Variants in ZMAT4 observed in about 807,000 individuals in gnomAD.
ZMAT4 encodes zinc finger matrin-type protein 4.
In ZMAT4, 17 loss-of-function variants were observed where a neutral mutation model predicts 28.7. The observed-to-expected ratio is 0.59, with a 90% CI of 0.41 to 0.89. ZMAT4 has a LOEUF of 0.89. Among genes scored for constraint, ZMAT4 ranks in the 40% least tolerant of loss-of-function variants. The pLI is 0.00. For missense variants in ZMAT4, 240 were observed against 283.8 expected (o/e 0.85, Z 1.11); for synonymous variants, 117 against 109.2 (o/e 1.07, Z -0.44).
chr8:40,645,084 A>C (rs980119371), intron 5 of ZMAT4, among the ~76,000 whole-genome samples: 1 of 152,182 alleles, frequency 6.6e-6, no homozygotes, highest in Admixed American at 6.6e-5. Context: ...ACACTCAGTA[A>C]AAATTAAGGA....
rs911759529 is a variant in ZMAT4, at chr8:40,707,544, T to C, written c.193-10143A>G. 6.6e-5 allele frequency among the ~76,000 whole-genome samples: 10 copies of C among 152,254 alleles called. 1 individual carries two copies. The highest frequency in any genetic ancestry group is 6.5e-4 in the Admixed American group (10 of 15,284). On this transcript the variant is annotated intron_variant, in intron 3 of 6. Transcript: ENST00000297737. ...ATGCATTGTATGGAAACACACTTTG[T>C]AATCCAGAAAATACTATTCAAACAT...
intron 5 of ZMAT4, among the ~76,000 whole-genome samples, chr8:40,631,365 C>T (rs1468863609): frequency 6.6e-6 from 1 of 152,074 alleles, no homozygotes; most frequent in Non-Finnish European, 1.5e-5. Flanking sequence ...ACCATGTTGG[C>T]CAGGCTGGTC....
chr8:40,867,310 C>T (rs1817708185), intron 1 of ZMAT4, among the ~76,000 whole-genome samples: 2 of 144,184 alleles, frequency 1.4e-5, no homozygotes, highest in South Asian at 4.2e-4. Context: ...TGTGTTGGGC[C>T]ACATTCTAAG....
intron 5 of ZMAT4, among the ~76,000 whole-genome samples, chr8:40,603,651 T>A (rs1457261168): frequency 6.6e-6 from 1 of 152,114 alleles, no homozygotes; most frequent in Non-Finnish European, 1.5e-5. Context: ...TGTTTTGAGA[T>A]GGAGTCTCAC....
intron 1 of ZMAT4, among the ~76,000 whole-genome samples, chr8:40,826,073 A>T (rs921800591): frequency 6.6e-6 from 1 of 152,262 alleles, no homozygotes; most frequent in Non-Finnish European, 1.5e-5. Context: ...AGCATGGGCA[A>T]CATAGAGAGA....
chr8:40,711,370 C>T (rs558883780), intron 3 of ZMAT4, among the ~76,000 whole-genome samples: 1 of 152,314 alleles, frequency 6.6e-6, no homozygotes, highest in South Asian at 2.1e-4. Context: ...GCATCAACAG[C>T]TGCTAACATC....
chr8:40,876,982 C>T (rs1316337353), intron 1 of ZMAT4, among the ~76,000 whole-genome samples: 1 of 152,198 alleles, frequency 6.6e-6, no homozygotes, highest in Non-Finnish European at 1.5e-5. Flanking sequence ...ATATCCTAGC[C>T]TCCACTCCTT....
chr8:40,759,510 A>ACTGC (rs1812840894), intron 3 of ZMAT4, among the ~76,000 whole-genome samples: 1 of 152,108 alleles, frequency 6.6e-6, no homozygotes. Flanking sequence ...TGCCACCTGA[A>ACTGC]CTGCCATAAG....
At chr8:40,681,454 C>T (rs550836667) in intron 4 of ZMAT4, among the ~76,000 whole-genome samples, 6 of 152,170 alleles carry the variant, frequency 3.9e-5, no homozygotes, top group South Asian at 2.1e-4. Context: ...TTTGCAAATG[C>T]TACCAACAGT....
Position 40,606,076 on chromosome 8 carries a change from C to T in ZMAT4, c.578-24815G>A, listed in dbSNP as rs114638685. Among the ~76,000 whole-genome samples the T allele has an allele frequency of 9.6e-3, 1,454 of 152,110 alleles. 23 individuals are homozygous for T. Among genetic ancestry groups the T allele is most frequent in the African/African-American group, 0.033 (1,373 of 41,516 alleles). ...GTTTATGTGAGTCCTTATGTGTGTT[C>T]GATTAGTCTCTTGAAGACAGTGGAT... On this transcript the variant is annotated intron_variant, in intron 5 of 6. Coordinates refer to ENST00000297737, the MANE Select transcript of ZMAT4 (RefSeq NM_024645.3).
chr8:40,841,916 T>TG (rs1220361092), intron 1 of ZMAT4, among the ~76,000 whole-genome samples: 2 of 152,168 alleles, frequency 1.3e-5, no homozygotes, highest in African/African-American at 4.8e-5. Context: ...TGCACTCTCC[T>TG]GGGGCAGAAC....
chr8:40,757,303 A>T (rs1186149925), intron 3 of ZMAT4, among the ~76,000 whole-genome samples: 1 of 152,224 alleles, frequency 6.6e-6, no homozygotes, highest in Non-Finnish European at 1.5e-5. Flanking sequence ...GTAAAGTTCA[A>T]TGAGTAGGCG....
chr8:40,532,174 G>T lies in ZMAT4; in HGVS notation c.*49C>A. ...TGGTGGTTGATAAGCAATTCTCCAC[G>T]GCAGAGAAATGCTAATGTTTTGTTC... On this transcript the variant is annotated 3_prime_UTR_variant, in exon 7 of 7. Transcript: ENST00000297737. 2 of 1,534,284 alleles carry T rather than the reference G, an allele frequency of 1.3e-6. No individual in the cohort carries two copies. Among genetic ancestry groups the T allele is most frequent in the Non-Finnish European group, 1.8e-6 (2 of 1,135,878 alleles).
rs188143069 is a variant in ZMAT4 at position 40,595,992 on chromosome 8, G to A, written c.578-14731C>T. Among the ~76,000 whole-genome samples, 1,323 of 152,188 alleles carry A rather than the reference G, an allele frequency of 8.7e-3. 17 individuals are homozygous for A. Among genetic ancestry groups the A allele is most frequent in the African/African-American group, 0.03 (1,250 of 41,508 alleles). Reference sequence around the variant, plus strand: ...CCAGCTACTAAGGAGGTTGAGGCAGGAGAATCACTTGAACCCAGGAGAGGG... The same window carrying A: ...CCAGCTACTAAGGAGGTTGAGGCAGAAGAATCACTTGAACCCAGGAGAGGG... On this transcript the variant is annotated intron_variant, in intron 5 of 6. Transcript: ENST00000297737.
intron 5 of ZMAT4, among the ~76,000 whole-genome samples, chr8:40,605,738 C>T (rs1456398161): frequency 6.6e-6 from 1 of 152,066 alleles, no homozygotes; most frequent in Admixed American, 6.6e-5. Context: ...GTCTTGATAA[C>T]CTGTCAAGTG....
chr8:40,653,145 T>C (rs552259301), intron 5 of ZMAT4, among the ~76,000 whole-genome samples: 17 of 152,010 alleles, frequency 1.1e-4, no homozygotes, highest in Non-Finnish European at 1.9e-4. Flanking sequence ...CCACACACTC[T>C]TAAATAACCA....
In ZMAT4 at chr8:40,812,629, A is replaced by C. The variant is rs186051079; in HGVS notation, c.102+12946T>G. 2.2e-4 allele frequency among the ~76,000 whole-genome samples: 34 copies of C among 152,276 alleles called. No individual in the cohort carries two copies. The East Asian group carries it at 6.0e-3, about 27-fold the overall frequency. On this transcript the variant is annotated intron_variant, in intron 2 of 6. Coordinates refer to ENST00000297737, the MANE Select transcript of ZMAT4 (RefSeq NM_024645.3). Reference sequence around the variant, plus strand: ...AATATGAACAAAGATTGGACTTGACACTTTAAAATATAGGATATAGGTCAG... The same window carrying C: ...AATATGAACAAAGATTGGACTTGACCCTTTAAAATATAGGATATAGGTCAG...
chr8:40,732,550 G>T (rs1001610801), intron 3 of ZMAT4, among the ~76,000 whole-genome samples: 5 of 152,356 alleles, frequency 3.3e-5, no homozygotes, highest in African/African-American at 1.2e-4. Context: ...GTAGGAACAG[G>T]CACCTGCTCC....
At chr8:40,803,299 G>A (rs1814931759) in intron 2 of ZMAT4, among the ~76,000 whole-genome samples, 1 of 152,106 alleles carries the variant, frequency 6.6e-6, no homozygotes. Context: ...CAAAGATTGA[G>A]ATAAAATATT....
Sources: allele counts gnomAD v4.1 joint callset (sites outside exome capture counted in the v4.1 genomes callset), GRCh38; gene constraint gnomAD v4.1.1; transcripts MANE v1.5; gene names NCBI Gene and HGNC (gene_info 2026-07-23, HGNC 2026-07-21).